MPDZ: variants seen among roughly 807,000 people sequenced by gnomAD.
MPDZ encodes multiple PDZ domain protein.
MPDZ carries 234 observed loss-of-function variants against 239.1 expected under a neutral mutation model. The ratio of observed to expected loss-of-function variants is 0.98; its 90% CI spans 0.88 to 1.09. The LOEUF (loss-of-function observed/expected upper bound fraction) is 1.09. Ranked by LOEUF, MPDZ falls within the 50% of genes least tolerant of loss-of-function variation. The pLI is 0.00. For synonymous variants in MPDZ, 1,048 were observed against 881.3 expected (o/e 1.19, Z -3.35); for missense variants, 3,175 against 2,510.0 (o/e 1.26, Z -5.66).
chr9:13,235,371 T>C (rs1963670393), intron 3 of MPDZ, among the ~76,000 whole-genome samples: 1 of 152,184 alleles, frequency 6.6e-6, no homozygotes, highest in South Asian at 2.1e-4. Flanking sequence ...GAGACCTTCC[T>C]TTCATTCATT....
Position 13,224,551 on chromosome 9 carries a change from A to T in MPDZ, c.216T>A (p.Ile72=), listed in dbSNP as rs769135932. The T allele has an allele frequency of 6.2e-6, 10 of 1,611,464 alleles. No individual in the cohort carries two copies. Among genetic ancestry groups the T allele is most frequent in the African/African-American group, 1.3e-5 (1 of 74,820 alleles). The part of the protein sequence containing the change: ...VNIATSATSN[I]EYAHVPHLSP... ...TGAGATGAGGAACGTGGGCATATTC[A>T]ATATTTGAAGTTGCTGAAGTTGCAA... is the stretch of plus-strand genomic sequence containing the variant. Residue 72 remains isoleucine (I), a synonymous_variant, in exon 4 of 47, where the codon ATT becomes ATA. Coordinates refer to ENST00000319217, the MANE Select transcript of MPDZ (RefSeq NM_001378778.1).
chr9:13,193,654 A>G (rs543582336), intron 13 of MPDZ, among the ~76,000 whole-genome samples: 193 of 152,322 alleles, frequency 1.3e-3, no homozygotes, highest in Non-Finnish European at 2.2e-3. Context: ...ACAGCTAGAA[A>G]AGGGTTTGAA....
intron 3 of MPDZ, among the ~76,000 whole-genome samples, chr9:13,230,175 G>A (rs1191968279): frequency 2.0e-5 from 3 of 152,084 alleles, no homozygotes; most frequent in Non-Finnish European, 4.4e-5. Context: ...AGGATGTAGA[G>A]AAGCTGGATT....
At chr9:13,107,877 T>A (rs1941746629) in intron 46 of MPDZ, among the ~76,000 whole-genome samples, 1 of 152,202 alleles carries the variant, frequency 6.6e-6, no homozygotes, top group African/African-American at 2.4e-5. Context: ...TCTTAAAATA[T>A]GTTCTAACTA....
chr9:13,262,910 C>T (rs1274430846), intron 1 of MPDZ, among the ~76,000 whole-genome samples: 5 of 152,056 alleles, frequency 3.3e-5, no homozygotes, highest in Admixed American at 2.0e-4. Context: ...ATACTTTCAT[C>T]GTATTCAACA....
intron 18 of MPDZ, among the ~76,000 whole-genome samples, chr9:13,184,084 A>T (rs540609166): frequency 6.6e-6 from 1 of 152,142 alleles, no homozygotes; most frequent in East Asian, 1.9e-4. Context: ...AGTTGCAGAA[A>T]CCAAAAAGAA....
At chr9:13,271,633 C>A (rs13290727) in intron 1 of MPDZ, among the ~76,000 whole-genome samples, 20,009 of 152,174 alleles carry the variant, frequency 0.13, 1,600 homozygotes, top group Non-Finnish European at 0.16. Flanking sequence ...AAATGTTAAT[C>A]TGTGTTCTGT....
intron 35 of MPDZ, 83 bp from the exon 36 acceptor site, chr9:13,123,381 G>T: frequency 8.2e-7 from 1 of 1,225,228 alleles, no homozygotes; most frequent in Non-Finnish European, 1.2e-6. Flanking sequence ...GATTGACTCT[G>T]AGGGATGGGG....
chr9:13,235,796 A>G (rs1018164735), intron 3 of MPDZ, among the ~76,000 whole-genome samples: 1 of 152,176 alleles, frequency 6.6e-6, no homozygotes, highest in Admixed American at 6.5e-5. Flanking sequence ...CTTGTGCTAA[A>G]AAAGTTAAAC....
intron 19 of MPDZ, among the ~76,000 whole-genome samples, chr9:13,176,802 G>C (rs928197666): frequency 6.6e-6 from 1 of 152,052 alleles, no homozygotes; most frequent in Non-Finnish European, 1.5e-5. Flanking sequence ...TTTCCCATCA[G>C]TCTGAAGTTC....
intron 38 of MPDZ, chr9:13,120,328 A>G (rs1163242537): frequency 6.6e-6 from 1 of 152,216 alleles, no homozygotes; most frequent in Non-Finnish European, 1.5e-5. Context: ...GAACTGTATC[A>G]CTTGTTCTTG....
At chr9:13,123,787 G>A (rs771875003) in intron 35 of MPDZ, among the ~76,000 whole-genome samples, 14 of 152,036 alleles carry the variant, frequency 9.2e-5, no homozygotes, top group Non-Finnish European at 1.5e-4. Flanking sequence ...CCTGCTTTTC[G>A]GGGCTTTTTA....
intron 1 of MPDZ, among the ~76,000 whole-genome samples, chr9:13,267,790 C>G (rs1022997816): frequency 6.6e-6 from 1 of 152,142 alleles, no homozygotes; most frequent in Non-Finnish European, 1.5e-5. Context: ...ATTTGGAAAA[C>G]TCTCAGAAAA....
chr9:13,218,940 A>G (rs1410299105), intron 8 of MPDZ, among the ~76,000 whole-genome samples: 1 of 151,984 alleles, frequency 6.6e-6, no homozygotes, highest in Non-Finnish European at 1.5e-5. Context: ...AATGCTATGC[A>G]TATGAATAAA....
chr9:13,143,983 T>C (rs974730923), intron 26 of MPDZ, among the ~76,000 whole-genome samples: 1 of 152,100 alleles, frequency 6.6e-6, no homozygotes, highest in Non-Finnish European at 1.5e-5. Flanking sequence ...ATAATCTGTC[T>C]AGAATGCAAA....
chr9:13,111,226 T>G (rs1404912160), intron 43 of MPDZ, among the ~76,000 whole-genome samples: 1 of 152,060 alleles, frequency 6.6e-6, no homozygotes, highest in East Asian at 1.9e-4. Flanking sequence ...CAGCGCAGAG[T>G]TGAGTAGTTG....
At chr9:13,139,900 C>G in intron 28 of MPDZ, 87 bp downstream of exon 28, 3 of 1,493,440 alleles carry the variant, frequency 2.0e-6, no homozygotes, top group Non-Finnish European at 1.9e-6. Context: ...CTGCAACATA[C>G]TTACTTATCC....
chr9:13,227,101 C>T (rs771200937), intron 3 of MPDZ, among the ~76,000 whole-genome samples: 21 of 152,176 alleles, frequency 1.4e-4, no homozygotes, highest in Non-Finnish European at 2.8e-4. Flanking sequence ...AGAACATCCA[C>T]TGACAGAAGC....
chr9:13,203,015 T>C (rs577759399), intron 12 of MPDZ, among the ~76,000 whole-genome samples: 3 of 152,180 alleles, frequency 2.0e-5, no homozygotes, highest in African/African-American at 7.2e-5. Flanking sequence ...GAGCAAGATG[T>C]TGTGCTGAAT....
Sources: allele counts gnomAD v4.1 joint callset (sites outside exome capture counted in the v4.1 genomes callset), GRCh38; gene constraint gnomAD v4.1.1; transcripts MANE v1.5; gene names NCBI Gene and HGNC (gene_info 2026-07-23, HGNC 2026-07-21).